ZNF765: variants seen among roughly 807,000 people sequenced by gnomAD.
ZNF765 encodes zinc finger protein 765.
A neutral mutation model predicts 44.7 loss-of-function variants in ZNF765; 37 were observed. That is an observed-to-expected ratio of 0.83 (90% CI 0.64 to 1.09). The LOEUF (loss-of-function observed/expected upper bound fraction) is 1.09. ZNF765 is among the 50% of genes least tolerant of loss of function. The pLI, the probability that ZNF765 is intolerant of heterozygous loss-of-function variation, is 0.00. For synonymous variants in ZNF765, 201 were observed against 213.7 expected (o/e 0.94, Z 0.52); for missense variants, 594 against 626.1 (o/e 0.95, Z 0.55).
intron 3 of ZNF765, among the ~76,000 whole-genome samples, chr19:53,403,745 T>C (rs1015307622): frequency 6.6e-6 from 1 of 151,900 alleles, no homozygotes; most frequent in East Asian, 1.9e-4. Flanking sequence ...AAGAGTCTAA[T>C]GCAGGAGAGT....
At chr19:53,401,471 G>A (rs1467164516) in intron 2 of ZNF765, among the ~76,000 whole-genome samples, 1 of 152,012 alleles carries the variant, frequency 6.6e-6, no homozygotes, top group Non-Finnish European at 1.5e-5. Context: ...GCTGAGGCAG[G>A]AGAATGGCGT....
intron 3 of ZNF765, among the ~76,000 whole-genome samples, chr19:53,403,150 A>T (rs2085744415): frequency 6.8e-6 from 1 of 147,176 alleles, no homozygotes. Flanking sequence ...ACAGAGCGGG[A>T]CTCTGTCTCA....
At chr19:53,396,142 T>A (rs2085666827) in intron 1 of ZNF765, among the ~76,000 whole-genome samples, 1 of 151,894 alleles carries the variant, frequency 6.6e-6, no homozygotes, top group African/African-American at 2.4e-5. Context: ...AGGAGGGATT[T>A]GGAGCCAGGG....
At position 53,423,451 on chromosome 19, in the gene ZNF765, C is replaced by T. The variant is rs115410485; in HGVS notation, c.*349C>T. 709 of 539,002 alleles carry T rather than the reference C, an allele frequency of 1.3e-3. 16 individuals carry two copies. The highest frequency in any genetic ancestry group is 0.012 in the African/African-American group (612 of 51,166). The allele number at this position is 539,002 out of a possible 1,614,324, so 33.4% of individuals were successfully genotyped here. ...GGGTCCAGCACATTCATAGGACCAG[C>T]GTGTCCCCCACATCCTCCCCTGAGT... On this transcript the variant is annotated 3_prime_UTR_variant, in exon 4 of 4. Coordinates refer to the ZNF765 transcript ENST00000594030.
At chr19:53,399,467 C>T (rs74381968) in intron 2 of ZNF765, among the ~76,000 whole-genome samples, 2,494 of 151,606 alleles carry the variant, frequency 0.016, 86 homozygotes, top group African/African-American at 0.057. Flanking sequence ...TGTATTTCTG[C>T]ATCATATGAG....
At chr19:53,399,895 A>C (rs1053714762) in intron 2 of ZNF765, among the ~76,000 whole-genome samples, 1 of 151,564 alleles carries the variant, frequency 6.6e-6, no homozygotes, top group Non-Finnish European at 1.5e-5. Context: ...ACTCACTGCA[A>C]CCTCTGCCTC....
chr19:53,402,010 G>A, intron 2 of ZNF765, 55 bp from the exon 3 acceptor site: 1 of 1,613,760 alleles, frequency 6.2e-7, no homozygotes, highest in Non-Finnish European at 8.5e-7. Context: ...CTCATTTTCT[G>A]TAAAGATAAG....
At chr19:53,405,932 TATATATATATATATATATAA>T (rs1201498437) in intron 3 of ZNF765, among the ~76,000 whole-genome samples, 2 of 88,290 alleles carry the variant, frequency 2.3e-5, no homozygotes, top group South Asian at 4.4e-4. Flanking sequence ...TATATATATA[TATATATATATATATATATAA>T]AATTGCTGTA....
chr19:53,401,822 G>A (rs1343467539), intron 2 of ZNF765: 2 of 993,510 alleles, frequency 2.0e-6, no homozygotes, highest in South Asian at 1.4e-5. Context: ...GTTGCATTGA[G>A]CAGAGACTGT....
rs543285202 is a variant in ZNF765, at chr19:53,395,153, C to T, written c.-114C>T. The T allele has an allele frequency of 1.3e-5, 2 of 152,606 alleles. No individual in the cohort carries two copies. The highest frequency in any genetic ancestry group is 4.8e-5 in the African/African-American group (2 of 41,586). 9.5% of individuals were successfully genotyped at this position (152,606 alleles called of 1,614,324 possible). ...CCTGCGCGCGCAGCTTCGCGCAGACCCGGAAGCGGACGGCGTGGAGTGACT... is the reference window on the plus strand; with the variant it reads ...CCTGCGCGCGCAGCTTCGCGCAGACTCGGAAGCGGACGGCGTGGAGTGACT... On this transcript the variant is annotated 5_prime_UTR_variant, in exon 1 of 4. Coordinates refer to ENST00000396408, the MANE Select transcript of ZNF765 (RefSeq NM_001040185.3).
At chr19:53,412,863 T>A (rs1241975142), downstream of ZNF765, among the ~76,000 whole-genome samples, 1 of 151,990 alleles carries the variant, frequency 6.6e-6, no homozygotes, top group African/African-American at 2.4e-5. Flanking sequence ...TGTGCCGCAA[T>A]GAAGAGGACT....
At chr19:53,395,410 A>C (rs1293097632) in intron 1 of ZNF765, among the ~76,000 whole-genome samples, 1 of 152,068 alleles carries the variant, frequency 6.6e-6, no homozygotes. Flanking sequence ...GCTATAGGGC[A>C]ATGTATACAC....
intron 3 of ZNF765, 37 bp from the exon 4 acceptor site, chr19:53,407,661 A>G: frequency 6.9e-7 from 1 of 1,444,954 alleles, no homozygotes; most frequent in Non-Finnish European, 9.3e-7. Context: ...TACCATCTGT[A>G]CTTAATTTGA....
Position 53,410,721 on chromosome 19 carries a change from A to C in ZNF765, c.*1594A>C, listed in dbSNP as rs1347667882. 2 of 432,860 alleles carry C rather than the reference A, an allele frequency of 4.6e-6. No homozygotes were observed. Among genetic ancestry groups the C allele is most frequent in the Non-Finnish European group, 9.4e-6 (2 of 212,136 alleles). The allele number at this position is 432,860 out of a possible 1,614,324, so 26.8% of individuals were successfully genotyped here. Reference sequence around the variant, plus strand: ...TTTTCAGACATTGTTCATAACTTGCAGTTCATCGGCGAACTCGTACTGGAG... The same window carrying C: ...TTTTCAGACATTGTTCATAACTTGCCGTTCATCGGCGAACTCGTACTGGAG... On this transcript the variant is annotated 3_prime_UTR_variant, in exon 4 of 4. Transcript: ENST00000396408.
chr19:53,418,819 C>G (rs969991425), intron 3 of ZNF765, among the ~76,000 whole-genome samples: 1 of 148,424 alleles, frequency 6.7e-6, no homozygotes, highest in Non-Finnish European at 1.5e-5. Context: ...ACAGGAGAAT[C>G]GCTAGAACCT....
intron 3 of ZNF765, among the ~76,000 whole-genome samples, chr19:53,418,052 C>T (rs12971290): frequency 2.1e-4 from 32 of 152,212 alleles, no homozygotes; most frequent in Admixed American, 1.9e-3. Context: ...ATGCTACCCG[C>T]GAATTAGTAC....
At chr19:53,426,286 C>T (rs528541201) in exon 4 of ZNF765, 3 of 152,278 alleles carry the variant, frequency 2.0e-5, no homozygotes, top group Non-Finnish European at 4.4e-5. Flanking sequence ...GCTACGTCTT[C>T]ACAAATGGCC....
At chr19:53,403,118 G>A (rs918145388) in intron 3 of ZNF765, among the ~76,000 whole-genome samples, 2 of 151,446 alleles carry the variant, frequency 1.3e-5, no homozygotes, top group African/African-American at 4.9e-5. Context: ...AGCCAAGATT[G>A]CCACTGCACT....
At chr19:53,415,953 GTTTT>G (rs2085872389), downstream of ZNF765, among the ~76,000 whole-genome samples, 1 of 93,724 alleles carries the variant, frequency 1.1e-5, no homozygotes, top group African/African-American at 3.2e-5. Context: ...GTTTTGTTTT[GTTTT>G]TTGTTTTTTG....
Sources: allele counts gnomAD v4.1 joint callset (sites outside exome capture counted in the v4.1 genomes callset), GRCh38; gene constraint gnomAD v4.1.1; transcripts MANE v1.5; gene names NCBI Gene and HGNC (gene_info 2026-07-23, HGNC 2026-07-21).